Variants in NCOA6 observed in about 807,000 individuals in gnomAD.
NCOA6 encodes the protein nuclear receptor coactivator 6, also known as NRC RAP250.
In NCOA6, 49 loss-of-function variants were observed where a neutral mutation model predicts 171.4. The observed-to-expected ratio is 0.29, with a 90% CI of 0.23 to 0.36. NCOA6 has a LOEUF of 0.36. NCOA6 is among the 10% of genes least tolerant of loss of function. The pLI is 1.00. For missense variants in NCOA6, 2,248 were observed against 2,554.5 expected (o/e 0.88, Z 2.59); for synonymous variants, 910 against 927.5 (o/e 0.98, Z 0.34).
chr20:34,758,091 T>C lies in NCOA6; in HGVS notation c.657A>G (p.Pro219=), dbSNP rs551902563. The C allele has an allele frequency of 1.2e-6, 2 of 1,609,136 alleles. No homozygotes were observed. Among genetic ancestry groups the C allele is most frequent in the Non-Finnish European group, 1.7e-6 (2 of 1,176,532 alleles). ...RPASQSDAMD[P]LLSGLHIQQQ... ...GCTGTATATGGAGCCCAGAGAGGAG[T>C]GGATCCATTGCATCTGTTTAAAGAT... is the stretch of plus-strand genomic sequence containing the variant. Residue 219 remains proline (P), a synonymous_variant, in exon 7 of 15, where the codon CCA becomes CCG. Transcript: ENST00000359003.
In NCOA6 at chr20:34,768,534, T is replaced by C. The variant is rs750260226; in HGVS notation, c.444A>G (p.Arg148=). 2.5e-6 allele frequency: 4 copies of C among 1,614,050 alleles called. No homozygotes were observed. The South Asian group carries it at 4.4e-5, about 18-fold the overall frequency. ...ALAQNRSQDV[R]MNGPMGAGNS... ...TTCCAGCTCCCATGGGTCCATTCAT[T>C]CTCACATCTTGGCTTCGGTTCTGAG... Residue 148 remains arginine (R), a synonymous_variant, in exon 5 of 15, where the codon AGA becomes AGG. Coordinates refer to ENST00000359003, the MANE Select transcript of NCOA6 (RefSeq NM_014071.5).
At chr20:34,749,314 G>C in intron 9 of NCOA6, 89 bp downstream of exon 9, 1 of 1,419,904 alleles carries the variant, frequency 7.0e-7, no homozygotes, top group Non-Finnish European at 9.5e-7. Flanking sequence ...TACTATTCTA[G>C]TTTTATATTC....
Position 34,749,978 on chromosome 20 carries a change from T to C in NCOA6, c.2217A>G (p.Gly739=). 1 of 1,614,244 alleles carries C rather than the reference T, an allele frequency of 6.2e-7. No individual in the cohort carries two copies. Among genetic ancestry groups the C allele is most frequent in the Non-Finnish European group, 8.5e-7 (1 of 1,180,032 alleles). Residue 739 remains glycine (G), a synonymous_variant, in exon 9 of 15, where the codon GGA becomes GGG. Coordinates refer to ENST00000359003, the MANE Select transcript of NCOA6 (RefSeq NM_014071.5). ...TTGGTCCCCTCATTATCTGGGCTGG[T>C]CCCGGCATGACATTGGACTGGTTCT... ...NTQNQSNVMP[G]PAQIMRGPTP... is the part of the protein sequence containing the mutation.
chr20:34,799,708 C>T (rs183995141), intron 1 of NCOA6, among the ~76,000 whole-genome samples: 65 of 151,756 alleles, frequency 4.3e-4, no homozygotes, highest in South Asian at 2.9e-3. Flanking sequence ...ATTCCAAGTG[C>T]GAAAGGAAAA....
chr20:34,728,712 A>C (rs1990259663), intron 13 of NCOA6, among the ~76,000 whole-genome samples: 1 of 152,256 alleles, frequency 6.6e-6, no homozygotes, highest in Non-Finnish European at 1.5e-5. Flanking sequence ...TAGTGAAAAC[A>C]GAAGACCTAA....
At chr20:34,722,667 A>G (rs6087622) in intron 14 of NCOA6, among the ~76,000 whole-genome samples, 122,510 of 145,532 alleles carry the variant, frequency 0.84, 51,777 homozygotes, top group Admixed American at 0.91. Context: ...GTGACACAGT[A>G]AGAACCTGTC....
intron 14 of NCOA6, among the ~76,000 whole-genome samples, chr20:34,725,762 T>C (rs6088590): frequency 0.36 from 54,999 of 151,914 alleles, 10,201 homozygotes; most frequent in Middle Eastern, 0.43. Flanking sequence ...GTGCCATTTA[T>C]TGAGATGGGG....
chr20:34,801,449 C>A (rs780518493), intron 1 of NCOA6, among the ~76,000 whole-genome samples: 11 of 152,020 alleles, frequency 7.2e-5, no homozygotes, highest in Middle Eastern at 3.4e-3. Context: ...CAACCTTTAA[C>A]CAGACTAACA....
chr20:34,789,853 A>G lies in NCOA6; in HGVS notation c.-50+2597T>C, dbSNP rs909559327. On this transcript the variant is annotated intron_variant, in intron 2 of 14. Transcript: ENST00000359003. ...TCAAAGTGTTATAGTCACACACAGCATAACAATAAAATAATATTCTTCACG... is the reference window on the plus strand; with the variant it reads ...TCAAAGTGTTATAGTCACACACAGCGTAACAATAAAATAATATTCTTCACG... Among the ~76,000 whole-genome samples, 6 of 152,212 alleles carry G rather than the reference A, an allele frequency of 3.9e-5. No individual in the cohort carries two copies. The East Asian group carries it at 1.2e-3, about 29-fold the overall frequency.
chr20:34,773,543 C>T (rs989388259), intron 4 of NCOA6, among the ~76,000 whole-genome samples: 6 of 71,628 alleles, frequency 8.4e-5, no homozygotes, highest in African/African-American at 2.7e-4. Flanking sequence ...CAACCTCCAC[C>T]CAGGAAAATT....
At chr20:34,717,945 G>A (rs776666652) in intron 14 of NCOA6, among the ~76,000 whole-genome samples, 115 of 152,180 alleles carry the variant, frequency 7.6e-4, no homozygotes, top group Non-Finnish European at 1.4e-3. Context: ...AAAGAAGTGG[G>A]TAGTGGGGTG....
chr20:34,774,999 T>G (rs2077262955), intron 4 of NCOA6, among the ~76,000 whole-genome samples: 1 of 152,152 alleles, frequency 6.6e-6, no homozygotes, highest in African/African-American at 2.4e-5. Flanking sequence ...AAATACATCC[T>G]CAAGATTTAA....
At chr20:34,815,391 A>G (rs2078802951) in intron 1 of NCOA6, among the ~76,000 whole-genome samples, 1 of 151,954 alleles carries the variant, frequency 6.6e-6, no homozygotes. Context: ...TTAAATAATA[A>G]TTTAAAAATA....
At chr20:34,734,255 G>A (rs1202786801) in intron 12 of NCOA6, among the ~76,000 whole-genome samples, 1 of 152,086 alleles carries the variant, frequency 6.6e-6, no homozygotes, top group Non-Finnish European at 1.5e-5. Context: ...GTAGAAACAG[G>A]GTTTCGCCAT....
At chr20:34,770,109 G>A (rs1279429048) in intron 4 of NCOA6, among the ~76,000 whole-genome samples, 1 of 151,220 alleles carries the variant, frequency 6.6e-6, no homozygotes, top group East Asian at 1.9e-4. Flanking sequence ...GTGCAATCTC[G>A]GCTCACTGCC....
chr20:34,799,108 G>A (rs938598084), intron 1 of NCOA6, among the ~76,000 whole-genome samples: 2 of 152,036 alleles, frequency 1.3e-5, no homozygotes, highest in African/African-American at 4.8e-5. Context: ...CTCACAGAAG[G>A]AATTCAGAAT....
rs185876002 is a variant in NCOA6 at position 34,815,382 on chromosome 20, T to A, written c.-164+10090A>T. On this transcript the variant is annotated intron_variant, in intron 1 of 14. Coordinates refer to ENST00000359003, the MANE Select transcript of NCOA6 (RefSeq NM_014071.5). The stretch of plus-strand genomic sequence containing the variant: ...ACAAAGCGAGACTCTATTTTTTTTT[T>A]AAATAATAATTTAAAAATAAAAAGA... Among the ~76,000 whole-genome samples, 179 of 151,874 alleles carry A rather than the reference T, an allele frequency of 1.2e-3. 1 individual carries two copies. The highest frequency in any genetic ancestry group is 1.5e-3 in the Non-Finnish European group (105 of 67,944).
In NCOA6 at chr20:34,749,457, T is replaced by G. The variant is rs1406943685; in HGVS notation, c.2738A>C (p.Lys913Thr). ...NNKQNNTNAN[K>T]PKKKKPPRKK... ...CCGAGGGGGTTTCTTCTTCTTCGGT[T>G]TATTTGCGTTGGTATTATTTTGCTT... The change falls in exon 9 of 15, where the codon AAA becomes ACA. Residue 913 changes from lysine (K) to threonine (T), a missense_variant. Lys to Thr is a moderately conservative substitution (Grantham distance 78). Around this residue, in one of 7 missense-constraint regions of NCOA6, gnomAD observed 352 missense variants for 419.1 expected, o/e 0.84. Transcript: ENST00000359003. 1 of 1,613,726 alleles carries G rather than the reference T, an allele frequency of 6.2e-7. No homozygotes were observed. Among genetic ancestry groups the G allele is most frequent in the Admixed American group, 1.7e-5 (1 of 59,986 alleles).
chr20:34,733,140 G>A lies in NCOA6; in HGVS notation c.5963-545C>T, dbSNP rs192539440. Among the ~76,000 whole-genome samples, 25 of 152,282 alleles carry A rather than the reference G, an allele frequency of 1.6e-4. No individual in the cohort carries two copies. The East Asian group carries it at 3.9e-3, about 24-fold the overall frequency. ...CCTCCCAGCAATGCCCTCCAAGCAA[G>A]GAAAATCTTAGTAATCTGTCTAGCA... is the stretch of plus-strand genomic sequence containing the variant. On this transcript the variant is annotated intron_variant, in intron 12 of 14. Transcript: ENST00000359003.
Sources: allele counts gnomAD v4.1 joint callset (sites outside exome capture counted in the v4.1 genomes callset), GRCh38; gene constraint gnomAD v4.1.1; regional missense constraint gnomAD v4.1.1; transcripts MANE v1.5; gene names NCBI Gene and HGNC (gene_info 2026-07-23, HGNC 2026-07-21).